ARPC1B: variants seen among roughly 807,000 people sequenced by gnomAD.
The protein encoded by ARPC1B is actin related protein 2/3 complex subunit 1B, also known as actin-related protein 2/3 complex subunit 1B.
A neutral mutation model predicts 46.0 loss-of-function variants in ARPC1B; 29 were observed. The ratio of observed to expected loss-of-function variants is 0.63; its 90% CI spans 0.47 to 0.86. The LOEUF (loss-of-function observed/expected upper bound fraction) is 0.86. Ranked by LOEUF, ARPC1B falls within the 40% of genes least tolerant of loss-of-function variation. The probability of loss-of-function intolerance (pLI) is 0.00; values close to 1 mark genes in which losing one functional copy is unlikely to be tolerated. For synonymous variants in ARPC1B, 201 were observed against 213.9 expected (o/e 0.94, Z 0.53); for missense variants, 469 against 529.4 (o/e 0.89, Z 1.12).
intron 1 of ARPC1B, chr7:99,377,501 CGG>C (rs1346575290): frequency 2.0e-5 from 3 of 151,710 alleles, no homozygotes; most frequent in Non-Finnish European, 4.4e-5. Context: ...TTAGTAGAGA[CGG>C]GGTTTCACCA....
chr7:99,383,363 T>C (rs557792475), intron 1 of ARPC1B, among the ~76,000 whole-genome samples: 32 of 152,224 alleles, frequency 2.1e-4, no homozygotes, highest in Admixed American at 7.8e-4. Flanking sequence ...GAGAACGTAC[T>C]CTGTTGGTCA....
At position 99,394,106 on chromosome 7, in the gene ARPC1B, T is replaced by A. The variant is rs1794683191; in HGVS notation, c.1067T>A (p.Ile356Asn). Residue 356 changes from isoleucine to asparagine, a missense_variant, in exon 9 of 10, where the codon ATC becomes AAC. Coordinates refer to ENST00000646101, the MANE Select transcript of ARPC1B (RefSeq NM_005720.4). ...CTTGMDGGMS[I>N]WDVKSLESAL... The stretch of plus-strand genomic sequence containing the variant: ...ACTGGCATGGATGGCGGCATGAGTA[T>A]CTGGGATGTGAAGGTGAGGCTTGCC... 1 of 1,613,592 alleles carries A rather than the reference T, an allele frequency of 6.2e-7. No homozygotes were observed. The highest frequency in any genetic ancestry group is 1.6e-4 in the Middle Eastern group (1 of 6,062).
chr7:99,391,507 G>A (rs1794570219), intron 7 of ARPC1B, among the ~76,000 whole-genome samples: 2 of 152,160 alleles, frequency 1.3e-5, no homozygotes, highest in African/African-American at 4.8e-5. Flanking sequence ...CACTTTGCGA[G>A]GTTGAGGTGG....
intron 1 of ARPC1B, among the ~76,000 whole-genome samples, chr7:99,375,065 G>C (rs1793993565): frequency 6.6e-6 from 1 of 150,932 alleles, no homozygotes; most frequent in Non-Finnish European, 1.5e-5. Context: ...CGCGGGGGTG[G>C]CCGCAGGGCC....
rs775108226 is a variant in ARPC1B, at chr7:99,391,032, G to A, written c.640G>A (p.Gly214Arg). 1.2e-5 allele frequency: 20 copies of A among 1,613,814 alleles called. No individual in the cohort carries two copies. Among genetic ancestry groups the A allele is most frequent in the Admixed American group, 6.7e-5 (4 of 59,998 alleles). ...WVHGVCFSAS[G>R]SRVAWVSHDS... ...ACATGGCGTCTGTTTCTCAGCCAGC[G>A]GGAGCCGCGTGGCCTGGGTAAGCCA... is the stretch of plus-strand genomic sequence containing the variant. The change falls in exon 6 of 10, where the codon GGG becomes AGG. Residue 214 changes from glycine (G) to arginine (R), a missense_variant. Transcript: ENST00000646101.
rs372546840 is a variant in ARPC1B at position 99,394,170 on chromosome 7, T to C, written c.1080+51T>C. The C allele has an allele frequency of 5.0e-4, 784 of 1,573,052 alleles. 2 individuals are homozygous for C. In the African/African-American group the frequency reaches 8.9e-3, roughly 18 times the overall value. On this transcript the variant is annotated intron_variant, in intron 9 of 9. Transcript: ENST00000646101. ...CGCCATGCCTCCCAGGTCAACCCTT[T>C]CCCCCCATCCCCACTCCCTGGAGAT...
At chr7:99,390,430 G>A (rs11971640) in intron 5 of ARPC1B, among the ~76,000 whole-genome samples, 34,155 of 151,226 alleles carry the variant, frequency 0.23, 8,471 homozygotes, top group African/African-American at 0.62. Context: ...GTGCAGTGGC[G>A]TGATATTGAC....
chr7:99,390,595 G>T (rs1243598345), intron 5 of ARPC1B, among the ~76,000 whole-genome samples: 1 of 151,532 alleles, frequency 6.6e-6, no homozygotes, highest in African/African-American at 2.4e-5. Context: ...GGCCAGACTG[G>T]TCTCGAACCC....
At chr7:99,389,866 C>T in intron 4 of ARPC1B, 39 bp from the exon 5 acceptor site, 1 of 1,555,896 alleles carries the variant, frequency 6.4e-7, no homozygotes, top group Non-Finnish European at 8.9e-7. Context: ...TCCCACCTGC[C>T]TGTCCCTCTC....
At chr7:99,381,929 TCCCAG>T (rs1456046529) in intron 1 of ARPC1B, among the ~76,000 whole-genome samples, 1 of 152,170 alleles carries the variant, frequency 6.6e-6, no homozygotes, top group Non-Finnish European at 1.5e-5. Flanking sequence ...CCTGGTTGGC[TCCCAG>T]CCCAGGCCCT....
intron 4 of ARPC1B, chr7:99,389,661 C>T: frequency 2.1e-6 from 1 of 479,652 alleles, no homozygotes; most frequent in East Asian, 3.8e-5. Flanking sequence ...GCTGAGCCTG[C>T]TCTGAGGGTG....
Position 99,392,716 on chromosome 7 carries a change from G to A in ARPC1B, c.829G>A (p.Gly277Arg). 3 of 1,547,474 alleles carry A rather than the reference G, an allele frequency of 1.9e-6. No homozygotes were observed. The highest frequency in any genetic ancestry group is 1.2e-5 in the South Asian group (1 of 83,976). Residue 277 changes from glycine (G) to arginine (R), a missense_variant, in exon 8 of 10, where the codon GGG (glycine) becomes AGG (arginine). Physicochemically the swap from Gly to Arg is moderately radical, Grantham distance 125 (BLOSUM62 -2). Coordinates refer to ENST00000646101, the MANE Select transcript of ARPC1B (RefSeq NM_005720.4). ...PVLFTYDAAA[G>R]MLSFGGRLDV... ...GCTGTTCACCTATGACGCCGCCGCGGGGATGCTGAGCTTCGGCGGGCGGCT... is the reference window on the plus strand; with the variant it reads ...GCTGTTCACCTATGACGCCGCCGCGAGGATGCTGAGCTTCGGCGGGCGGCT...
At chr7:99,387,691 C>T (rs138191482) in intron 3 of ARPC1B, among the ~76,000 whole-genome samples, 4,049 of 143,032 alleles carry the variant, frequency 0.028, 78 homozygotes, top group Non-Finnish European at 0.041. Context: ...GAGCTGAGAT[C>T]GTGCCAGTGC....
chr7:99,377,855 A>G (rs1334423365), intron 1 of ARPC1B, among the ~76,000 whole-genome samples: 1 of 150,704 alleles, frequency 6.6e-6, no homozygotes, highest in Non-Finnish European at 1.5e-5. Context: ...CTGGTCTCAA[A>G]CTCCTGACCT....
chr7:99,375,091 G>A (rs1325637495), intron 1 of ARPC1B, among the ~76,000 whole-genome samples: 1 of 139,808 alleles, frequency 7.2e-6, no homozygotes, highest in Non-Finnish European at 1.5e-5. Context: ...GTGGAAACGC[G>A]GGCTCCCAGC....
At chr7:99,380,716 G>A (rs1027973124) in intron 1 of ARPC1B, among the ~76,000 whole-genome samples, 8 of 152,230 alleles carry the variant, frequency 5.3e-5, no homozygotes, top group Non-Finnish European at 8.8e-5. Flanking sequence ...CAGAGATGTG[G>A]CTGGGCACAC....
chr7:99,386,853 G>A lies in ARPC1B; in HGVS notation c.169+64G>A. 6 of 1,183,630 alleles carry A rather than the reference G, an allele frequency of 5.1e-6. 1 individual carries two copies. In the South Asian group the frequency reaches 7.6e-5, roughly 15 times the overall value. The allele number at this position is 1,183,630 out of a possible 1,614,324, so 73.3% of individuals were successfully genotyped here. On this transcript the variant is annotated intron_variant, in intron 3 of 9. Transcript: ENST00000646101. ...GTGGTGGGTTGGGGGGGTGGTGCAAGGCAGGGCATGGCCACTCATTGTGGA... is the reference window on the plus strand; with the variant it reads ...GTGGTGGGTTGGGGGGGTGGTGCAAAGCAGGGCATGGCCACTCATTGTGGA...
intron 8 of ARPC1B, among the ~76,000 whole-genome samples, chr7:99,393,112 C>T (rs185091314): frequency 2.6e-5 from 4 of 152,222 alleles, no homozygotes; most frequent in East Asian, 3.9e-4. Flanking sequence ...GCCTTGGCGC[C>T]GTACTAAAAC....
intron 8 of ARPC1B, among the ~76,000 whole-genome samples, chr7:99,393,774 C>T (rs1426724555): frequency 6.6e-6 from 1 of 152,182 alleles, no homozygotes; most frequent in Non-Finnish European, 1.5e-5. Context: ...TCCAGCTGCA[C>T]TGCTGGCACT....
Sources: gnomAD v4.1 joint callset for allele counts (sites outside exome capture counted in the v4.1 genomes callset) on GRCh38, gnomAD v4.1.1 for gene constraint, MANE v1.5 for transcripts, NCBI Gene and HGNC (gene_info 2026-07-23, HGNC 2026-07-21) for gene names.